KCTD9: variants seen among roughly 807,000 people sequenced by gnomAD.
KCTD9 encodes the protein BTB/POZ domain-containing protein KCTD9.
A neutral mutation model predicts 53.3 loss-of-function variants in KCTD9; 17 were observed. The ratio of observed to expected loss-of-function variants is 0.32; its 90% CI spans 0.22 to 0.48. The LOEUF is 0.48. Among genes scored for constraint, KCTD9 ranks in the 20% least tolerant of loss-of-function variants. KCTD9 has a pLI of 0.99. For synonymous variants in KCTD9, 128 were observed against 162.7 expected, an observed-to-expected ratio of 0.79 and a Z score of 1.62; for missense variants, 179 against 465.5, an observed-to-expected ratio of 0.38 and a Z score of 5.66.
At chr8:25,443,529 G>A (rs1189309591) in intron 3 of KCTD9, among the ~76,000 whole-genome samples, 1 of 152,114 alleles carries the variant, frequency 6.6e-6, no homozygotes, top group Non-Finnish European at 1.5e-5. Context: ...CCAATTAAGT[G>A]ACCATTGCCT....
At chr8:25,449,611 T>G (rs1226915804) in intron 1 of KCTD9, among the ~76,000 whole-genome samples, 1 of 152,218 alleles carries the variant, frequency 6.6e-6, no homozygotes, top group Non-Finnish European at 1.5e-5. Flanking sequence ...CTGCCATGTT[T>G]TAAAGCTGTG....
At chr8:25,446,320 C>T in intron 1 of KCTD9, 70 bp from the exon 2 acceptor site, 2 of 1,504,668 alleles carry the variant, frequency 1.3e-6, no homozygotes, top group Non-Finnish European at 1.8e-6. Context: ...TATAAACTAC[C>T]ACACTAGAAC....
intron 1 of KCTD9, among the ~76,000 whole-genome samples, chr8:25,451,164 T>C (rs1225751067): frequency 1.3e-5 from 2 of 152,224 alleles, no homozygotes; most frequent in Non-Finnish European, 2.9e-5. Flanking sequence ...AAAGGAGTTA[T>C]GTTGCAATAC....
Position 25,444,027 on chromosome 8 carries a change from CTACCT to C in KCTD9, c.214+260_214+264del, listed in dbSNP as rs547256582. Among the ~76,000 whole-genome samples the C allele has an allele frequency of 5.9e-5, 9 of 152,244 alleles. No individual in the cohort carries two copies. In the South Asian group the frequency reaches 1.9e-3, roughly 32 times the overall value. On this transcript the variant is annotated intron_variant, in intron 3 of 11. Transcript: ENST00000221200. ...AAAACAATTGTTTCTAAGATCAAAA[CTACCT>C]TACTATGTTACAGTTAATGAATATG...
chr8:25,452,279 G>A (rs1227777261), intron 1 of KCTD9, among the ~76,000 whole-genome samples: 1 of 152,120 alleles, frequency 6.6e-6, no homozygotes, highest in East Asian at 1.9e-4. Context: ...GGAAAATACT[G>A]GTAATATCAA....
intron 4 of KCTD9, chr8:25,439,881 C>A: frequency 1.0e-6 from 1 of 965,870 alleles, no homozygotes; most frequent in Non-Finnish European, 1.4e-6. Flanking sequence ...TTTTAGTTTC[C>A]TTTGCTTTAA....
intron 11 of KCTD9, among the ~76,000 whole-genome samples, chr8:25,431,579 T>C (rs1343827715): frequency 1.3e-5 from 2 of 152,122 alleles, no homozygotes; most frequent in Non-Finnish European, 2.9e-5. Context: ...GGGAGGCTTT[T>C]GCTGCTAGGC....
At chr8:25,441,340 A>C (rs1802118136) in intron 3 of KCTD9, among the ~76,000 whole-genome samples, 1 of 152,196 alleles carries the variant, frequency 6.6e-6, no homozygotes, top group Non-Finnish European at 1.5e-5. Flanking sequence ...TTTTCAAGTT[A>C]AGAAAAACTA....
rs1563252871 is a variant in KCTD9, at chr8:25,458,196, T to G, written c.48+3A>C. ...CCGCCGCGCCCCCTCACGCCCCCGTTACCTTTCCGTTCTTGGGGCTGCCGT... is the reference window on the plus strand; with the variant it reads ...CCGCCGCGCCCCCTCACGCCCCCGTGACCTTTCCGTTCTTGGGGCTGCCGT... On this transcript the variant is annotated splice_donor_region_variant and intron_variant, in intron 1 of 11. Coordinates refer to ENST00000221200, the MANE Select transcript of KCTD9 (RefSeq NM_017634.4). 3 of 1,601,992 alleles carry G rather than the reference T, an allele frequency of 1.9e-6. No homozygotes were observed. Among genetic ancestry groups the G allele is most frequent in the Non-Finnish European group, 2.6e-6 (3 of 1,174,276 alleles).
intron 1 of KCTD9, chr8:25,450,375 A>G: frequency 1.0e-6 from 1 of 985,318 alleles, no homozygotes; most frequent in Non-Finnish European, 1.2e-6. Flanking sequence ...CAAATGGTAC[A>G]TTACCTGGCT....
chr8:25,458,422 C>T lies in KCTD9; in HGVS notation c.-176G>A, dbSNP rs958280173. 2 of 711,964 alleles carry T rather than the reference C, an allele frequency of 2.8e-6. No homozygotes were observed. The highest frequency in any genetic ancestry group is 4.8e-6 in the Non-Finnish European group (2 of 415,056). 44.1% of individuals were successfully genotyped at this position (711,964 alleles called of 1,614,324 possible). ...CGCACTCTGTCCCACACCCAAGGTT[C>T]GGCCGGTCCTCCTTCCCACCCCGCC... On this transcript the variant is annotated 5_prime_UTR_variant, in exon 1 of 12. Coordinates refer to ENST00000221200, the MANE Select transcript of KCTD9 (RefSeq NM_017634.4).
chr8:25,435,342 G>A (rs1469714370), intron 9 of KCTD9, 21 bp downstream of exon 9: 1 of 1,522,498 alleles, frequency 6.6e-7, no homozygotes, highest in Non-Finnish European at 8.8e-7. Context: ...ATTTTCTCTT[G>A]TAGCCTAAAA....
At position 25,449,044 on chromosome 8, in the gene KCTD9, G is replaced by A. The variant is rs775330273; in HGVS notation, c.49-2794C>T. ...ACACATTCCTGGGACAAAGCGAAGC[G>A]AAATACAGTACCTAGGGCATTGCAC... is the stretch of plus-strand genomic sequence containing the variant. On this transcript the variant is annotated intron_variant, in intron 1 of 11. Transcript: ENST00000221200. 2.8e-4 allele frequency among the ~76,000 whole-genome samples: 43 copies of A among 152,304 alleles called. 1 individual carries two copies. Among genetic ancestry groups the A allele is most frequent in the Non-Finnish European group, 4.4e-4 (30 of 68,028 alleles).
At chr8:25,446,080 CAAG>C (rs747558863) in intron 2 of KCTD9, 46 bp downstream of exon 2, 44 of 1,597,964 alleles carry the variant, frequency 2.8e-5, no homozygotes, top group Non-Finnish European at 3.5e-5. Context: ...AGCATAGCAC[CAAG>C]AAGTTGAGGC....
chr8:25,449,414 C>T (rs1339390644), intron 1 of KCTD9, among the ~76,000 whole-genome samples: 4 of 152,102 alleles, frequency 2.6e-5, no homozygotes, highest in Admixed American at 2.6e-4. Context: ...TCTCTCTTGG[C>T]CATACCAAAA....
At chr8:25,450,212 C>T (rs1802293582) in intron 1 of KCTD9, among the ~76,000 whole-genome samples, 1 of 152,178 alleles carries the variant, frequency 6.6e-6, no homozygotes. Context: ...TGGCTGTCTG[C>T]CTGGATCCTA....
In KCTD9 at chr8:25,439,307, G is replaced by A. The variant is rs759940875; in HGVS notation, c.471C>T (p.Leu157=). The A allele has an allele frequency of 3.7e-6, 6 of 1,606,996 alleles. No individual in the cohort carries two copies. The East Asian group carries it at 8.9e-5, about 24-fold the overall frequency. ...ATAAATTAATGCCATCATTTACAAT[G>A]AGCTGTCCATGACGCAAGTAGTTCA... ...PILNYLRHGQ[L]IVNDGINLLG... is the part of the protein sequence containing the mutation. Residue 157 remains leucine (L), a synonymous_variant, in exon 6 of 12, where the codon CTC becomes CTT. Transcript: ENST00000221200.
At chr8:25,433,467 A>G in intron 9 of KCTD9, 32 bp from the exon 10 acceptor site, 1 of 1,348,294 alleles carries the variant, frequency 7.4e-7, no homozygotes, top group Non-Finnish European at 1.0e-6. Flanking sequence ...CCTGGTTGTA[A>G]GGTTCATAAT....
intron 2 of KCTD9, 118 bp downstream of exon 2, chr8:25,446,011 T>A: frequency 2.3e-6 from 3 of 1,325,416 alleles, no homozygotes; most frequent in Non-Finnish European, 3.1e-6. Context: ...AAATTCTAGG[T>A]AAACACTTGC....
Sources: allele counts gnomAD v4.1 joint callset (sites outside exome capture counted in the v4.1 genomes callset), GRCh38; gene constraint gnomAD v4.1.1; transcripts MANE v1.5; gene names NCBI Gene and HGNC (gene_info 2026-07-23, HGNC 2026-07-21).